Variants in ANO4 observed in about 807,000 individuals in gnomAD.
ANO4 encodes anoctamin-4.
A neutral mutation model predicts 141.9 loss-of-function variants in ANO4; 69 were observed. That is an observed-to-expected ratio of 0.49 (90% CI 0.40 to 0.59). The LOEUF is 0.59. Ranked by LOEUF, ANO4 falls within the 20% of genes least tolerant of loss-of-function variation. ANO4 has a pLI of 0.00. For synonymous variants in ANO4, 350 were observed against 394.3 expected (o/e 0.89, Z 1.33); for missense variants, 894 against 1,162.2 (o/e 0.77, Z 3.36).
chr12:100,950,684 C>T (rs1429142316), intron 5 of ANO4, among the ~76,000 whole-genome samples: 2 of 152,180 alleles, frequency 1.3e-5, no homozygotes, highest in African/African-American at 4.8e-5. Flanking sequence ...TCAGCAGGTG[C>T]AGCACAGAGC....
intron 1 of ANO4, among the ~76,000 whole-genome samples, chr12:100,859,750 G>A (rs770084702): frequency 1.4e-4 from 22 of 152,220 alleles, no homozygotes; most frequent in South Asian, 8.3e-4. Flanking sequence ...ATAAGGTCTC[G>A]TTCTTTTTTA....
intron 3 of ANO4, among the ~76,000 whole-genome samples, chr12:100,766,810 G>A (rs150814510): frequency 1.2e-3 from 176 of 152,198 alleles, no homozygotes; most frequent in African/African-American, 4.0e-3. Flanking sequence ...AAAATGGGGT[G>A]TTGAAGTCTT....
intron 15 of ANO4, among the ~76,000 whole-genome samples, chr12:101,082,843 G>C (rs2049339981): frequency 6.6e-6 from 1 of 152,184 alleles, no homozygotes; most frequent in Non-Finnish European, 1.5e-5. Flanking sequence ...CTCCATTTCA[G>C]CAGAGTTTCT....
intron 1 of ANO4, among the ~76,000 whole-genome samples, chr12:100,726,070 A>G (rs911391988): frequency 9.2e-5 from 14 of 152,120 alleles, no homozygotes; most frequent in Non-Finnish European, 1.9e-4. Flanking sequence ...ATTTCCTATT[A>G]TGATTGTCAG....
intron 15 of ANO4, among the ~76,000 whole-genome samples, 195 bp downstream of exon 15, chr12:101,079,470 G>A (rs2049156640): frequency 6.6e-6 from 1 of 152,028 alleles, no homozygotes; most frequent in South Asian, 2.1e-4. Flanking sequence ...ATTCCTTAGT[G>A]GAATCAAATC....
intron 8 of ANO4, 87 bp from the exon 9 acceptor site, chr12:101,019,947 G>C: frequency 2.0e-6 from 2 of 1,015,768 alleles, no homozygotes; most frequent in Non-Finnish European, 3.1e-6. Flanking sequence ...GAAGACATCT[G>C]CATCTGAGCA....
chr12:100,724,282 G>A (rs2031006052), intron 1 of ANO4, among the ~76,000 whole-genome samples: 1 of 152,186 alleles, frequency 6.6e-6, no homozygotes, highest in South Asian at 2.1e-4. Context: ...TAAAATGCAG[G>A]AAAGGTGATT....
chr12:100,914,000 G>A (rs906998764), intron 2 of ANO4, among the ~76,000 whole-genome samples: 1 of 152,192 alleles, frequency 6.6e-6, no homozygotes, highest in Non-Finnish European at 1.5e-5. Flanking sequence ...CTAATCCTGA[G>A]TTTGTCTCTT....
intron 1 of ANO4, among the ~76,000 whole-genome samples, chr12:100,802,870 G>A (rs541639548): frequency 6.6e-6 from 1 of 152,168 alleles, no homozygotes; most frequent in South Asian, 2.1e-4. Context: ...ATTATGGTTA[G>A]GTTATTTTCT....
At position 101,096,517 on chromosome 12, in the gene ANO4, G is replaced by C. The variant is rs375187246; in HGVS notation, c.1739-19G>C. On this transcript the variant is annotated intron_variant, in intron 18 of 27. Transcript: ENST00000392977. Reference sequence around the variant, plus strand: ...GATGAGATTCAGCCTTTCAAACTCTGCTCACCTTTTGTCCACAGAACAGCC... The same window carrying C: ...GATGAGATTCAGCCTTTCAAACTCTCCTCACCTTTTGTCCACAGAACAGCC... The C allele has an allele frequency of 1.1e-5, 18 of 1,588,384 alleles. No individual in the cohort carries two copies. The East Asian group carries it at 1.8e-4, about 16-fold the overall frequency.
At position 100,980,892 on chromosome 12, in the gene ANO4, CT is replaced by C. The variant is rs373933791; in HGVS notation, c.602+6012del. Among the ~76,000 whole-genome samples, 1,073 of 150,452 alleles carry C rather than the reference CT, an allele frequency of 7.1e-3. 15 individuals are homozygous for C. The highest frequency in any genetic ancestry group is 0.025 in the African/African-American group (1,013 of 41,038). ...AGGAATTTATCATCTTTTGGCTGCC[CT>C]TTTTTTTTGCCTTCATAAAATATTG... On this transcript the variant is annotated intron_variant, in intron 7 of 27. Coordinates refer to ENST00000392977, the MANE Select transcript of ANO4 (RefSeq NM_001286615.2).
At chr12:100,843,948 C>A (rs2037415841) in intron 1 of ANO4, among the ~76,000 whole-genome samples, 1 of 152,182 alleles carries the variant, frequency 6.6e-6, no homozygotes, top group Admixed American at 6.5e-5. Flanking sequence ...CCTTTCCTTT[C>A]ATCTAAAGTC....
At chr12:100,961,170 A>G (rs1162765436) in intron 5 of ANO4, among the ~76,000 whole-genome samples, 1 of 152,214 alleles carries the variant, frequency 6.6e-6, no homozygotes, top group Non-Finnish European at 1.5e-5. Flanking sequence ...GCACTAGGCA[A>G]CACAGTGCAC....
At chr12:100,824,246 C>G (rs1220560397) in intron 1 of ANO4, among the ~76,000 whole-genome samples, 2 of 151,922 alleles carry the variant, frequency 1.3e-5, no homozygotes, top group African/African-American at 4.8e-5. Context: ...ACTCATCCCC[C>G]AAGTCTCACA....
intron 1 of ANO4, among the ~76,000 whole-genome samples, chr12:100,826,636 T>G (rs2036359349): frequency 1.3e-5 from 2 of 152,060 alleles, no homozygotes; most frequent in African/African-American, 4.8e-5. Flanking sequence ...TCTTACACTG[T>G]GCTTGAATTG....
chr12:101,080,411 T>C (rs1181567602), intron 15 of ANO4, among the ~76,000 whole-genome samples: 1 of 152,178 alleles, frequency 6.6e-6, no homozygotes, highest in African/African-American at 2.4e-5. Flanking sequence ...GAGGTTTTGA[T>C]ACATGACACT....
intron 1 of ANO4, among the ~76,000 whole-genome samples, chr12:100,826,957 CCCCATCATCTCT>C: frequency 6.6e-6 from 1 of 152,060 alleles, no homozygotes; most frequent in Non-Finnish European, 1.5e-5. Context: ...TTGTGTGAGC[CCCCATCATCTCT>C]CCCTGTAATG....
At chr12:100,784,450 C>A (rs1486700738) in intron 3 of ANO4, among the ~76,000 whole-genome samples, 3 of 152,184 alleles carry the variant, frequency 2.0e-5, no homozygotes, top group African/African-American at 7.2e-5. Flanking sequence ...CCAGGCAAAG[C>A]AACTGCAGTT....
At chr12:101,095,742 C>T (rs950672645) in intron 18 of ANO4, among the ~76,000 whole-genome samples, 13 of 152,176 alleles carry the variant, frequency 8.5e-5, no homozygotes, top group Admixed American at 7.2e-4. Flanking sequence ...AAATACATTT[C>T]ATTAGACATT....
Sources: allele counts gnomAD v4.1 joint callset (sites outside exome capture counted in the v4.1 genomes callset), GRCh38; gene constraint gnomAD v4.1.1; transcripts MANE v1.5; gene names NCBI Gene and HGNC (gene_info 2026-07-23, HGNC 2026-07-21).